INPPL1: variants seen among roughly 807,000 people sequenced by gnomAD.
The protein encoded by INPPL1 is inositol polyphosphate phosphatase like 1, also known as phosphatidylinositol 3,4,5-trisphosphate 5-phosphatase 2.
In INPPL1, 91 loss-of-function variants were observed where a neutral mutation model predicts 139.3. The observed-to-expected ratio is 0.65, with a 90% CI of 0.55 to 0.78. The LOEUF is 0.78. INPPL1 is among the 30% of genes least tolerant of loss of function. The pLI, the probability that INPPL1 is intolerant of heterozygous loss-of-function variation, is 0.00. For synonymous variants in INPPL1, 719 were observed against 686.6 expected (o/e 1.05, Z -0.74); for missense variants, 1,411 against 1,665.6 (o/e 0.85, Z 2.66).
intron 1 of INPPL1, among the ~76,000 whole-genome samples, chr11:72,227,076 T>TA (rs967041851): frequency 6.6e-6 from 1 of 152,130 alleles, no homozygotes; most frequent in African/African-American, 2.4e-5. Context: ...AATACACACA[T>TA]ACTTGCTTAC....
At chr11:72,229,063 C>T in intron 4 of INPPL1, 27 bp from the exon 5 acceptor site, 2 of 1,586,434 alleles carry the variant, frequency 1.3e-6, no homozygotes, top group Non-Finnish European at 1.7e-6. Context: ...GCAGGACCTC[C>T]ACTGACTTCT....
At chr11:72,227,996 C>A in intron 1 of INPPL1, 194 bp from the exon 2 acceptor site, 3 of 622,672 alleles carry the variant, frequency 4.8e-6, no homozygotes, top group African/African-American at 1.8e-5. Flanking sequence ...CTGGTCATTC[C>A]TGCCCAATAG....
Position 72,234,496 on chromosome 11 carries a change from C to T in INPPL1, c.2327-31C>T. 6.3e-7 allele frequency: 1 copy of T among 1,595,378 alleles called. No individual in the cohort carries two copies. Among genetic ancestry groups the T allele is most frequent in the Non-Finnish European group, 8.6e-7 (1 of 1,163,112 alleles). ...GGGGAAAGGAAGCTGAGAGGTGGTG[C>T]TCAGTTGGGTGTCTCCCACCCCCAC... On this transcript the variant is annotated intron_variant, in intron 20 of 27. Coordinates refer to ENST00000298229, the MANE Select transcript of INPPL1 (RefSeq NM_001567.4). The surrounding 1 kb of genome is among the most constrained non-coding windows in gnomAD (Gnocchi z 4.2).
At position 72,234,353 on chromosome 11, in the gene INPPL1, G is replaced by C. The variant is rs374511786; in HGVS notation, c.2285G>C (p.Arg762Pro). ...SIEAIVKTAS[R>P]TKFFIEFYST... ...GAGGCCATTGTGAAGACAGCCAGCC[G>C]CACCAAGTTCTTCATCGAGTTCTAC... The change falls in exon 20 of 28, where the codon CGC becomes CCC. Residue 762 changes from arginine to proline, a missense_variant. By Grantham distance (103) the Arg-to-Pro change is moderately radical. Transcript: ENST00000298229. This position sits in a 1 kb window ranked among gnomAD's most constrained non-coding sequence, Gnocchi z 4.2. The C allele has an allele frequency of 6.2e-7, 1 of 1,613,990 alleles. No individual in the cohort carries two copies. The highest frequency in any genetic ancestry group is 8.5e-7 in the Non-Finnish European group (1 of 1,180,008).
In INPPL1 at chr11:72,238,781, CG is replaced by C. The variant is rs1949076038; in HGVS notation, c.*431del. 1 of 154,000 alleles carries C rather than the reference CG, an allele frequency of 6.5e-6. No individual in the cohort carries two copies. Among genetic ancestry groups the C allele is most frequent in the African/African-American group, 2.4e-5 (1 of 41,472 alleles). The allele number at this position is 154,000 out of a possible 1,614,324, so 9.5% of individuals were successfully genotyped here. A position where few individuals can be genotyped will look rare whatever the true frequency, so the allele number is the denominator to read the frequency against. On this transcript the variant is annotated 3_prime_UTR_variant, in exon 28 of 28. Coordinates refer to ENST00000298229, the MANE Select transcript of INPPL1 (RefSeq NM_001567.4). ...TCCCCACCCCCGCTGGGGGTGGGGG[CG>C]GGTGTCCGTCCGGAAATGAAGGAAT...
In INPPL1 at chr11:72,237,566, A is replaced by C; in HGVS notation, c.3322A>C (p.Thr1108Pro). The change falls in exon 26 of 28, where the codon ACT (threonine) becomes CCT (proline). Residue 1108 changes from threonine (T) to proline (P), a missense_variant. By Grantham distance (38) the Thr-to-Pro change is conservative. Coordinates refer to ENST00000298229, the MANE Select transcript of INPPL1 (RefSeq NM_001567.4). ...PLPPGPSPASTFLGEVASGDD... is the reference protein window; with the variant it reads ...PLPPGPSPASPFLGEVASGDD... ...GCCCCCAGGCCCCTCACCAGCCAGC[A>C]CTTTCCTGGGGGAAGTGGCCAGTGG... The C allele has an allele frequency of 6.3e-7, 1 of 1,598,128 alleles. No individual in the cohort carries two copies. Among genetic ancestry groups the C allele is most frequent in the Non-Finnish European group, 8.5e-7 (1 of 1,169,690 alleles).
At chr11:72,233,787 T>A (rs775428241) in intron 19 of INPPL1, 43 bp downstream of exon 19, 2 of 1,531,430 alleles carry the variant, frequency 1.3e-6, no homozygotes, top group South Asian at 2.2e-5. Flanking sequence ...ATAATCTAGG[T>A]GGGCACAGGT....
chr11:72,224,408 G>A (rs1177413863), upstream of INPPL1, among the ~76,000 whole-genome samples: 1 of 151,900 alleles, frequency 6.6e-6, no homozygotes, highest in African/African-American at 2.4e-5. Context: ...GGGGACGAGA[G>A]GAAGAGCCAT....
intron 12 of INPPL1, 154 bp downstream of exon 12, chr11:72,231,343 A>G (rs1327363864): frequency 2.1e-6 from 2 of 932,702 alleles, no homozygotes; most frequent in African/African-American, 1.6e-5. Context: ...TGAGTCCTTC[A>G]TGCCACGAGA....
chr11:72,231,255 C>G, intron 12 of INPPL1, 66 bp downstream of exon 12: 3 of 1,450,334 alleles, frequency 2.1e-6, no homozygotes, highest in Non-Finnish European at 2.8e-6. Context: ...GCCTACTTGA[C>G]TTCATGGGCA....
intron 1 of INPPL1, among the ~76,000 whole-genome samples, chr11:72,226,138 C>T (rs1476767126): frequency 6.7e-6 from 1 of 148,896 alleles, no homozygotes; most frequent in Admixed American, 6.7e-5. Context: ...CTCCTGACAT[C>T]TTTGGTCGGG....
chr11:72,224,380 A>T (rs1233364304), upstream of INPPL1, among the ~76,000 whole-genome samples: 6 of 151,726 alleles, frequency 4.0e-5, no homozygotes, highest in Non-Finnish European at 1.5e-5. Context: ...GGGGAACTCG[A>T]TGCAGCCAAG....
rs17847220 is a variant in INPPL1, at chr11:72,231,926, C to A, written c.1615+311C>A. On this transcript the variant is annotated intron_variant, in intron 13 of 27. Transcript: ENST00000298229. ...GTGCCCAGGTCTCCTGATTTTCGGT[C>A]TGGTGCTCTCCCAGGTAGATTCTGC... 2.6e-4 allele frequency among the ~76,000 whole-genome samples: 39 copies of A among 152,244 alleles called. No individual in the cohort carries two copies. In the East Asian group the frequency reaches 5.4e-3, roughly 21 times the overall value.
At chr11:72,226,960 G>T (rs1169800541) in intron 1 of INPPL1, among the ~76,000 whole-genome samples, 1 of 152,134 alleles carries the variant, frequency 6.6e-6, no homozygotes, top group Non-Finnish European at 1.5e-5. Context: ...TGTGAGTGGG[G>T]GCTTCAGGTT....
rs1320300710 is a variant in INPPL1 at position 72,238,583 on chromosome 11, A to G, written c.*230A>G. On this transcript the variant is annotated 3_prime_UTR_variant, in exon 28 of 28. Coordinates refer to ENST00000298229, the MANE Select transcript of INPPL1 (RefSeq NM_001567.4). ...GGCTCAGGACGGAAGGTCAGTTGCC[A>G]TGGTTACCGAGGACCCTGGTTACTC... 33 of 399,594 alleles carry G rather than the reference A, an allele frequency of 8.3e-5. No homozygotes were observed. The East Asian group carries it at 1.3e-3, about 15-fold the overall frequency. The allele number at this position is 399,594 out of a possible 1,614,324, so 24.8% of individuals were successfully genotyped here.
rs968684492 is a variant in INPPL1 at position 72,238,388 on chromosome 11, C to T, written c.*35C>T. The T allele has an allele frequency of 2.7e-6, 4 of 1,492,236 alleles. No homozygotes were observed. The highest frequency in any genetic ancestry group is 3.6e-6 in the Non-Finnish European group (4 of 1,118,042). 92.4% of individuals were successfully genotyped at this position (1,492,236 alleles called of 1,614,324 possible). A position where few individuals can be genotyped will look rare whatever the true frequency, so the allele number is the denominator to read the frequency against. On this transcript the variant is annotated 3_prime_UTR_variant, in exon 28 of 28. Coordinates refer to ENST00000298229, the MANE Select transcript of INPPL1 (RefSeq NM_001567.4). ...CACCACGAAGCTGTGAACTCAGAGCCCCTCCCTGCTACCAAGGCCCAGCTA... is the reference window on the plus strand; with the variant it reads ...CACCACGAAGCTGTGAACTCAGAGCTCCTCCCTGCTACCAAGGCCCAGCTA...
intron 19 of INPPL1, among the ~76,000 whole-genome samples, chr11:72,233,960 G>A (rs1264364285): frequency 1.3e-5 from 2 of 152,142 alleles, no homozygotes; most frequent in African/African-American, 2.4e-5. Context: ...ATACGTGAGT[G>A]TACACCTATC....
rs1441314714 is a variant in INPPL1 at position 72,237,557 on chromosome 11, C to G, written c.3313C>G (p.Pro1105Ala). The G allele has an allele frequency of 1.3e-6, 2 of 1,598,778 alleles. No homozygotes were observed. The highest frequency in any genetic ancestry group is 1.1e-5 in the South Asian group (1 of 90,018). The stretch of plus-strand genomic sequence containing the variant: ...GCCTCCACTGCCCCCAGGCCCCTCA[C>G]CAGCCAGCACTTTCCTGGGGGAAGT... ...PRPPLPPGPSPASTFLGEVAS... is the reference protein window; with the variant it reads ...PRPPLPPGPSAASTFLGEVAS... The change falls in exon 26 of 28, where the codon CCA becomes GCA. Residue 1105 changes from proline (P) to alanine (A), a missense_variant. Pro to Ala is a conservative substitution (Grantham distance 27, BLOSUM62 -1). This residue lies in a region of INPPL1 where 438 missense variants were observed against 425.7 expected (regional missense o/e 1.03). Coordinates refer to ENST00000298229, the MANE Select transcript of INPPL1 (RefSeq NM_001567.4).
rs749369759 is a variant in INPPL1 at position 72,237,483 on chromosome 11, G to A, written c.3239G>A (p.Arg1080His). The change falls in exon 26 of 28, where the codon CGT becomes CAT. Residue 1080 changes from arginine to histidine, a missense_variant. Transcript: ENST00000298229. The stretch of plus-strand genomic sequence containing the variant: ...TTACCAGGGCCAGTGGTCCGGGGCC[G>A]TGGTGGGGCTGAGGCCCGTGGCCCA... The part of the protein sequence containing the change: ...DPLPGPVVRG[R>H]GGAEARGPPP... 3.2e-5 allele frequency: 52 copies of A among 1,609,826 alleles called. No homozygotes were observed. The highest frequency in any genetic ancestry group is 1.3e-4 in the South Asian group (12 of 90,910).
Sources: gnomAD v4.1 joint callset for allele counts (sites outside exome capture counted in the v4.1 genomes callset) on GRCh38, gnomAD v4.1.1 for gene constraint, gnomAD v4.1.1 regional missense constraint, Gnocchi (gnomAD v3.1) non-coding constraint, MANE v1.5 for transcripts, NCBI Gene and HGNC (gene_info 2026-07-23, HGNC 2026-07-21) for gene names.